The following MNAT1 variants were observed in gnomAD, a reference collection of about 807,000 sequenced individuals.
MNAT1 encodes the protein CDK-activating kinase assembly factor MAT1.
MNAT1 carries 43 observed loss-of-function variants against 42.0 expected under a neutral mutation model. The ratio of observed to expected loss-of-function variants is 1.02; its 90% CI spans 0.80 to 1.32. MNAT1 has a LOEUF of 1.32. Ranked by LOEUF, MNAT1 falls within the 40% of genes most tolerant of loss-of-function variation. The probability of loss-of-function intolerance (pLI) is 0.00; values close to 1 mark genes in which losing one functional copy is unlikely to be tolerated. For synonymous variants in MNAT1, 118 were observed against 120.0 expected (o/e 0.98, Z 0.11); for missense variants, 306 against 350.4 (o/e 0.87, Z 1.01).
At chr14:60,822,566 C>T (rs960639087) in intron 6 of MNAT1, among the ~76,000 whole-genome samples, 5 of 151,544 alleles carry the variant, frequency 3.3e-5, no homozygotes, top group Non-Finnish European at 5.9e-5. Flanking sequence ...ACTGGGTTTA[C>T]AGGCTCACAC....
intron 6 of MNAT1, among the ~76,000 whole-genome samples, chr14:60,837,175 C>T (rs576152160): frequency 3.2e-4 from 48 of 152,310 alleles, no homozygotes; most frequent in African/African-American, 1.0e-3. Flanking sequence ...GGGTGGGATC[C>T]GCTGGGCTAG....
intron 7 of MNAT1, among the ~76,000 whole-genome samples, chr14:60,964,379 G>C (rs929071308): frequency 3.3e-5 from 5 of 152,262 alleles, no homozygotes; most frequent in East Asian, 1.9e-4. Context: ...GGCATAAGAT[G>C]TCCTTTGTAC....
At chr14:60,763,111 C>A (rs184167340) in intron 1 of MNAT1, among the ~76,000 whole-genome samples, 1 of 151,906 alleles carries the variant, frequency 6.6e-6, no homozygotes. Flanking sequence ...TCCAGTTAAA[C>A]TAAATTAGGG....
intron 7 of MNAT1, among the ~76,000 whole-genome samples, chr14:60,907,938 A>G (rs998818120): frequency 6.6e-6 from 1 of 152,162 alleles, no homozygotes; most frequent in Non-Finnish European, 1.5e-5. Flanking sequence ...TTATCTGAAT[A>G]TCTGTTTCTT....
At chr14:60,748,105 G>C (rs1002108179) in intron 1 of MNAT1, among the ~76,000 whole-genome samples, 4 of 151,932 alleles carry the variant, frequency 2.6e-5, no homozygotes, top group African/African-American at 9.7e-5. Context: ...GCTGAGGCAG[G>C]AGAATCCCTT....
At chr14:60,882,223 C>G (rs2034566733) in intron 7 of MNAT1, among the ~76,000 whole-genome samples, 1 of 151,976 alleles carries the variant, frequency 6.6e-6, no homozygotes. Flanking sequence ...ATTAACCATC[C>G]CCACATCCTC....
chr14:60,867,846 T>C (rs1160399730), intron 6 of MNAT1, among the ~76,000 whole-genome samples: 2 of 152,116 alleles, frequency 1.3e-5, no homozygotes, highest in Non-Finnish European at 2.9e-5. Flanking sequence ...TCTCAGCCTG[T>C]AGGCCCTGTC....
intron 1 of MNAT1, among the ~76,000 whole-genome samples, chr14:60,760,110 A>G (rs913479399): frequency 6.6e-6 from 1 of 152,236 alleles, no homozygotes; most frequent in Non-Finnish European, 1.5e-5. Flanking sequence ...TTCCAAGTGG[A>G]CAATATAAAC....
intron 6 of MNAT1, among the ~76,000 whole-genome samples, chr14:60,821,332 C>CT (rs1394389298): frequency 6.6e-6 from 1 of 152,056 alleles, no homozygotes; most frequent in Non-Finnish European, 1.5e-5. Context: ...CAGAAAGTGT[C>CT]TTATGGGTAC....
intron 6 of MNAT1, among the ~76,000 whole-genome samples, chr14:60,837,933 C>T (rs576014483): frequency 1.2e-3 from 188 of 152,272 alleles, no homozygotes; most frequent in African/African-American, 4.4e-3. Context: ...TAGTAATAGG[C>T]TTCTAATGAA....
intron 6 of MNAT1, among the ~76,000 whole-genome samples, chr14:60,835,610 T>A (rs1212645792): frequency 6.6e-6 from 1 of 152,224 alleles, no homozygotes; most frequent in African/African-American, 2.4e-5. Context: ...AGAGATCCAC[T>A]GTTAGTCTGA....
intron 7 of MNAT1, among the ~76,000 whole-genome samples, chr14:60,908,972 T>G (rs576159697): frequency 2.0e-3 from 299 of 152,328 alleles, no homozygotes; most frequent in Middle Eastern, 3.4e-3. Flanking sequence ...CTCCATATCC[T>G]CTCCAGCACC....
intron 7 of MNAT1, among the ~76,000 whole-genome samples, chr14:60,965,673 T>C (rs1418052592): frequency 1.3e-5 from 2 of 152,242 alleles, no homozygotes; most frequent in Non-Finnish European, 2.9e-5. Flanking sequence ...TTCTCATTTA[T>C]GATGTTTGGC....
intron 6 of MNAT1, among the ~76,000 whole-genome samples, chr14:60,872,545 A>AT (rs2034349004): frequency 6.6e-6 from 1 of 151,688 alleles, no homozygotes; most frequent in Non-Finnish European, 1.5e-5. Flanking sequence ...CCCCCCCATT[A>AT]TTACTCAGAT....
chr14:60,834,606 A>G (rs1001219713), intron 6 of MNAT1, among the ~76,000 whole-genome samples: 1 of 152,168 alleles, frequency 6.6e-6, no homozygotes, highest in Admixed American at 6.5e-5. Flanking sequence ...AATAAGTGCT[A>G]TGTGGCACTG....
At chr14:60,838,770 C>T (rs1009910166) in intron 6 of MNAT1, among the ~76,000 whole-genome samples, 22 of 152,216 alleles carry the variant, frequency 1.4e-4, no homozygotes, top group Non-Finnish European at 3.1e-4. Context: ...GTCTGGGAAG[C>T]CCCACTGCCC....
Position 60,740,023 on chromosome 14 carries a change from A to C in MNAT1, c.89+5072A>C, listed in dbSNP as rs1397209874. Among the ~76,000 whole-genome samples the C allele has an allele frequency of 6.6e-6, 1 of 152,178 alleles. No homozygotes were observed. Among genetic ancestry groups the C allele is most frequent in the Admixed American group, 6.5e-5 (1 of 15,280 alleles). ...ACAATAATTAGCTGGGTGTGGTGGC[A>C]TGGGCATGTAATCCCAGGTACTTGG... On this transcript the variant is annotated intron_variant, in intron 1 of 7. Coordinates refer to ENST00000261245, the MANE Select transcript of MNAT1 (RefSeq NM_002431.4). This position sits in a 1 kb window ranked among gnomAD's most constrained non-coding sequence, Gnocchi z 4.1.
chr14:60,942,928 T>G (rs2036200725), intron 7 of MNAT1, among the ~76,000 whole-genome samples: 1 of 151,854 alleles, frequency 6.6e-6, no homozygotes. Context: ...GTATTTTTAA[T>G]GGGCTGATAA....
intron 1 of MNAT1, among the ~76,000 whole-genome samples, chr14:60,754,523 T>A (rs559269899): frequency 4.6e-5 from 7 of 152,046 alleles, no homozygotes; most frequent in African/African-American, 1.7e-4. Flanking sequence ...GATTTTTTTT[T>A]TATTTTTAGT....
Sources: gnomAD v4.1 joint callset for allele counts (sites outside exome capture counted in the v4.1 genomes callset) on GRCh38, gnomAD v4.1.1 for gene constraint, Gnocchi (gnomAD v3.1) non-coding constraint, MANE v1.5 for transcripts, NCBI Gene and HGNC (gene_info 2026-07-23, HGNC 2026-07-21) for gene names.